Variants in RGL1 observed in about 807,000 individuals in gnomAD.
RGL1 encodes the protein ral guanine nucleotide dissociation stimulator-like 1.
Under a neutral mutation model 95.2 loss-of-function variants are expected in RGL1, and 24 were observed. The observed-to-expected ratio is 0.25, with a 90% CI of 0.18 to 0.35. The LOEUF is 0.35. RGL1 is among the 10% of genes least tolerant of loss of function. The pLI, the probability that RGL1 is intolerant of heterozygous loss-of-function variation, is 1.00. For missense variants in RGL1, 715 were observed against 936.3 expected (o/e 0.76, Z 3.08); for synonymous variants, 329 against 344.9 (o/e 0.95, Z 0.51).
chr1:183,641,716 A>C (rs1245962850), intron 1 of RGL1, among the ~76,000 whole-genome samples: 1 of 152,226 alleles, frequency 6.6e-6, no homozygotes, highest in Non-Finnish European at 1.5e-5. Flanking sequence ...CAATAGTTTA[A>C]ATGATGAAAA....
intron 2 of RGL1, among the ~76,000 whole-genome samples, chr1:183,846,411 A>G (rs1664436936): frequency 6.6e-6 from 1 of 151,982 alleles, no homozygotes; most frequent in South Asian, 2.1e-4. Flanking sequence ...GTGACAGACT[A>G]GGGGAGGGAT....
intron 1 of RGL1, among the ~76,000 whole-genome samples, chr1:183,656,860 G>C (rs1283690609): frequency 6.6e-6 from 1 of 152,004 alleles, no homozygotes; most frequent in African/African-American, 2.4e-5. Context: ...TGTGAAAATA[G>C]CACATCAAAC....
intron 1 of RGL1, among the ~76,000 whole-genome samples, chr1:183,707,143 G>A (rs1049967615): frequency 6.6e-6 from 1 of 152,102 alleles, no homozygotes; most frequent in Non-Finnish European, 1.5e-5. Flanking sequence ...TAATCCCAGT[G>A]GGGGGCCTGG....
intron 2 of RGL1, among the ~76,000 whole-genome samples, chr1:183,780,348 T>C (rs1659833736): frequency 6.6e-6 from 1 of 152,198 alleles, no homozygotes; most frequent in Admixed American, 6.5e-5. Flanking sequence ...AGATCAAAGT[T>C]AATTGGCCCT....
chr1:183,734,931 G>C (rs1361446207), intron 1 of RGL1, among the ~76,000 whole-genome samples: 1 of 152,210 alleles, frequency 6.6e-6, no homozygotes, highest in East Asian at 1.9e-4. Context: ...ACTGAATGGA[G>C]ACTAGGAAGG....
At chr1:183,817,512 A>G (rs1662167410) in intron 2 of RGL1, among the ~76,000 whole-genome samples, 1 of 152,070 alleles carries the variant, frequency 6.6e-6, no homozygotes, top group South Asian at 2.1e-4. Context: ...CTGCTCGGCC[A>G]CAAATCCGAC....
intron 1 of RGL1, among the ~76,000 whole-genome samples, chr1:183,673,965 C>T (rs1652649512): frequency 6.6e-6 from 1 of 152,188 alleles, no homozygotes; most frequent in African/African-American, 2.4e-5. Context: ...AAGGTCTAGG[C>T]ATGCTTTGAA....
chr1:183,680,061 G>A (rs554652850), intron 1 of RGL1, among the ~76,000 whole-genome samples: 1 of 152,074 alleles, frequency 6.6e-6, no homozygotes, highest in African/African-American at 2.4e-5. Context: ...TTTTGATGGG[G>A]TTGTTTGTTT....
chr1:183,679,354 A>G (rs1653043782), intron 1 of RGL1, among the ~76,000 whole-genome samples: 2 of 152,178 alleles, frequency 1.3e-5, no homozygotes, highest in African/African-American at 4.8e-5. Flanking sequence ...CGTCATCTAC[A>G]TTAGGTATTT....
intron 1 of RGL1, among the ~76,000 whole-genome samples, chr1:183,642,131 A>G (rs1649963266): frequency 6.6e-6 from 1 of 152,222 alleles, no homozygotes; most frequent in Non-Finnish European, 1.5e-5. Flanking sequence ...TAAGACTCAT[A>G]GGTTTGATAA....
Position 183,668,653 on chromosome 1 carries a change from A to G in RGL1, c.-33+32152A>G, listed in dbSNP as rs529309403. On this transcript the variant is annotated intron_variant, in intron 1 of 18. Transcript: ENST00000304685. ...TTAATTTTTTGAAATTTGAATATCT[A>G]TGCCTAAGCATAGTTTTTTTTGTTT... 4.6e-5 allele frequency among the ~76,000 whole-genome samples: 7 copies of G among 151,894 alleles called. No individual in the cohort carries two copies. The East Asian group carries it at 1.4e-3, about 29-fold the overall frequency.
chr1:183,782,228 C>T (rs1266561180), intron 2 of RGL1, among the ~76,000 whole-genome samples: 1 of 152,176 alleles, frequency 6.6e-6, no homozygotes, highest in Non-Finnish European at 1.5e-5. Context: ...GCCCAGGAAA[C>T]AGGACTTTAC....
chr1:183,760,586 A>C (rs1003074378), intron 2 of RGL1, among the ~76,000 whole-genome samples: 13 of 149,516 alleles, frequency 8.7e-5, no homozygotes, highest in South Asian at 2.1e-4. Flanking sequence ...AAAAAAAAAA[A>C]AAAAAAACAA....
At chr1:183,776,284 G>A (rs1004952302) in intron 2 of RGL1, among the ~76,000 whole-genome samples, 14 of 151,204 alleles carry the variant, frequency 9.3e-5, no homozygotes, top group African/African-American at 3.4e-4. Context: ...GAGTAGCTGG[G>A]ACTACAGGCG....
intron 1 of RGL1, chr1:183,648,043 T>A (rs747872468): frequency 6.2e-7 from 1 of 1,614,246 alleles, no homozygotes; most frequent in Non-Finnish European, 8.5e-7. Context: ...GGATTCCTTT[T>A]TGTCTGGAGA....
At chr1:183,808,000 T>C (rs1204181497) in intron 2 of RGL1, among the ~76,000 whole-genome samples, 1 of 152,204 alleles carries the variant, frequency 6.6e-6, no homozygotes, top group Admixed American at 6.5e-5. Context: ...CTGAACCAGT[T>C]GTCTTCAAAA....
rs1211848841 is a variant in RGL1 at position 183,805,150 on chromosome 1, G to T, written c.-148G>T. ...CCGAGTCGCGCGCACCGGCGGCGGC[G>T]GGGGCAGCGCGGCGCGTGTCTGTGC... On this transcript the variant is annotated 5_prime_UTR_variant, in exon 1 of 18. Transcript: ENST00000360851. 9.4e-7 allele frequency: 1 copy of T among 1,068,584 alleles called. No individual in the cohort carries two copies. The highest frequency in any genetic ancestry group is 1.2e-6 in the Non-Finnish European group (1 of 823,344). The allele number at this position is 1,068,584 out of a possible 1,614,324, so 66.2% of individuals were successfully genotyped here.
intron 1 of RGL1, among the ~76,000 whole-genome samples, chr1:183,676,311 A>G (rs7556582): frequency 0.063 from 9,641 of 152,138 alleles, 514 homozygotes; most frequent in African/African-American, 0.14. Flanking sequence ...ATGTATGTGC[A>G]CTGTATCTCA....
At chr1:183,910,737 C>T (rs1440460163) in intron 14 of RGL1, among the ~76,000 whole-genome samples, 5 of 152,176 alleles carry the variant, frequency 3.3e-5, no homozygotes, top group African/African-American at 1.2e-4. Flanking sequence ...AATCCTTCCA[C>T]TGAGGTTTTA....
Sources: allele counts gnomAD v4.1 joint callset (sites outside exome capture counted in the v4.1 genomes callset), GRCh38; gene constraint gnomAD v4.1.1; transcripts MANE v1.5; gene names NCBI Gene and HGNC (gene_info 2026-07-23, HGNC 2026-07-21).